Variants in B3GALNT2 observed in about 807,000 individuals in gnomAD.
B3GALNT2 encodes the protein beta-1,3-N-acetylgalactosaminyltransferase 2.
Under a neutral mutation model 61.1 loss-of-function variants are expected in B3GALNT2, and 53 were observed. The ratio of observed to expected loss-of-function variants is 0.87; its 90% CI spans 0.70 to 1.09. The LOEUF is 1.09. Ranked by LOEUF, B3GALNT2 falls within the 50% of genes least tolerant of loss-of-function variation. B3GALNT2 has a pLI of 0.00. For synonymous variants in B3GALNT2, 223 were observed against 237.4 expected, an observed-to-expected ratio of 0.94 and a Z score of 0.56; for missense variants, 544 against 623.0, an observed-to-expected ratio of 0.87 and a Z score of 1.35.
downstream of B3GALNT2, among the ~76,000 whole-genome samples, chr1:235,442,259 C>T (rs1465958021): frequency 6.6e-6 from 1 of 152,168 alleles, no homozygotes; most frequent in Non-Finnish European, 1.5e-5. Context: ...CAACCTCCGC[C>T]TCCCGGGTTC....
At chr1:235,474,058 C>T (rs2102820677) in intron 5 of B3GALNT2, among the ~76,000 whole-genome samples, 1 of 152,272 alleles carries the variant, frequency 6.6e-6, no homozygotes, top group South Asian at 2.1e-4. Flanking sequence ...CTTAAATAAC[C>T]CATCAGCTGT....
intron 4 of B3GALNT2, among the ~76,000 whole-genome samples, chr1:235,482,396 C>A (rs971710918): frequency 6.6e-6 from 1 of 151,810 alleles, no homozygotes. Context: ...GGGGAACCTC[C>A]CAGAAAGGAA....
At chr1:235,492,387 A>G (rs185997078) in intron 2 of B3GALNT2, among the ~76,000 whole-genome samples, 31 of 152,342 alleles carry the variant, frequency 2.0e-4, no homozygotes, top group Admixed American at 7.8e-4. Flanking sequence ...ATCTATTTTT[A>G]TACAGATAGC....
At chr1:235,464,417 CCTT>C (rs1683586542) in intron 7 of B3GALNT2, 1 of 151,760 alleles carries the variant, frequency 6.6e-6, no homozygotes, top group African/African-American at 2.4e-5. Flanking sequence ...TCCTTTCCTC[CCTT>C]CTTCCCTCCA....
At position 235,454,252 on chromosome 1, in the gene B3GALNT2, G is replaced by A. The variant is rs145518904; in HGVS notation, c.1215C>T (p.Pro405=). ...ACCCACATGCAAAGGCAGGGTAAGC[G>A]GGGCTCGGGTACTCCAACTCCTGCC... is the stretch of plus-strand genomic sequence containing the variant. ...GKWQELEYPS[P]AYPAFACGSG... Residue 405 remains proline (P), a synonymous_variant, in exon 10 of 12, where the codon CCC becomes CCT. Coordinates refer to ENST00000366600, the MANE Select transcript of B3GALNT2 (RefSeq NM_152490.5). 151 of 1,613,182 alleles carry A rather than the reference G, an allele frequency of 9.4e-5. 4 individuals carry two copies. In the African/African-American group the frequency reaches 1.1e-3, roughly 12 times the overall value.
chr1:235,500,897 G>A (rs1023898498), intron 1 of B3GALNT2, among the ~76,000 whole-genome samples: 1 of 152,124 alleles, frequency 6.6e-6, no homozygotes, highest in African/African-American at 2.4e-5. Flanking sequence ...GGATAATTTT[G>A]GAAGAACTCA....
chr1:235,485,854 T>C (rs1002002795), intron 3 of B3GALNT2, among the ~76,000 whole-genome samples: 7 of 152,180 alleles, frequency 4.6e-5, no homozygotes, highest in African/African-American at 1.7e-4. Flanking sequence ...TATTCAGTAT[T>C]AATAAAGATT....
In B3GALNT2 at chr1:235,450,084, G is replaced by A; in HGVS notation, c.*122C>T. ...CACCGCATTGGTTCTGGGTGAAAGT[G>A]CCAGTCTGGAACTCTCTTGAAAGAC... On this transcript the variant is annotated 3_prime_UTR_variant, in exon 12 of 12. Transcript: ENST00000366600. 1 of 1,195,028 alleles carries A rather than the reference G, an allele frequency of 8.4e-7. No homozygotes were observed. Among genetic ancestry groups the A allele is most frequent in the Non-Finnish European group, 1.2e-6 (1 of 845,234 alleles). The allele number at this position is 1,195,028 out of a possible 1,614,324, so 74.0% of individuals were successfully genotyped here.
chr1:235,488,044 G>A (rs1684885631), intron 3 of B3GALNT2, among the ~76,000 whole-genome samples: 1 of 152,070 alleles, frequency 6.6e-6, no homozygotes, highest in Admixed American at 6.6e-5. Context: ...AAGTGCTGGA[G>A]CAGCTTTCTT....
rs774822889 is a variant in B3GALNT2, at chr1:235,448,708, G to A, written c.*1498C>T. The A allele has an allele frequency of 3.1e-6, 5 of 1,614,098 alleles. No individual in the cohort carries two copies. In the Admixed American group the frequency reaches 5.0e-5, roughly 16 times the overall value. On this transcript the variant is annotated 3_prime_UTR_variant, in exon 12 of 12. Transcript: ENST00000366600. ...AAATCGAGCTGGAAAATGACCTAAAGTCATTACAGTTTTATTCTGTGGAAA... is the reference window on the plus strand; with the variant it reads ...AAATCGAGCTGGAAAATGACCTAAAATCATTACAGTTTTATTCTGTGGAAA...
rs530941634 is a variant in B3GALNT2 at position 235,488,572 on chromosome 1, C to T, written c.361+596G>A. Among the ~76,000 whole-genome samples the T allele has an allele frequency of 4.6e-5, 7 of 151,694 alleles. No individual in the cohort carries two copies. The South Asian group carries it at 1.5e-3, about 32-fold the overall frequency. On this transcript the variant is annotated intron_variant, in intron 3 of 11. Transcript: ENST00000366600. Reference sequence around the variant, plus strand: ...TGGTGGTAGCCTGTAATCCCATCTACTTAAGAGAGGCTGAGGCAGGAGAAT... The same window carrying T: ...TGGTGGTAGCCTGTAATCCCATCTATTTAAGAGAGGCTGAGGCAGGAGAAT...
intron 3 of B3GALNT2, among the ~76,000 whole-genome samples, chr1:235,486,226 T>A (rs1037379693): frequency 4.6e-5 from 7 of 152,174 alleles, no homozygotes; most frequent in African/African-American, 7.2e-5. Flanking sequence ...CCTACCTAAT[T>A]ATAGACATGA....
intron 1 of B3GALNT2, 29 bp downstream of exon 1, chr1:235,504,112 C>A (rs1248367511): frequency 8.3e-7 from 1 of 1,208,226 alleles, no homozygotes; most frequent in Non-Finnish European, 1.0e-6. Context: ...CCCCGGCGGC[C>A]GCCAACCCGC....
In B3GALNT2 at chr1:235,498,659, G is replaced by A. The variant is rs367862155; in HGVS notation, c.113-3831C>T. On this transcript the variant is annotated intron_variant, in intron 1 of 11. Transcript: ENST00000366600. ...AGTTCGAGACCAGCCTGGCCAATATGGTGAAACCTCATCTCTATTAAAAAT... is the reference window on the plus strand; with the variant it reads ...AGTTCGAGACCAGCCTGGCCAATATAGTGAAACCTCATCTCTATTAAAAAT... Among the ~76,000 whole-genome samples, 57 of 152,024 alleles carry A rather than the reference G, an allele frequency of 3.7e-4. 1 individual carries two copies. The highest frequency in any genetic ancestry group is 2.7e-3 in the East Asian group (14 of 5,164).
At chr1:235,482,940 G>A (rs145109712) in intron 4 of B3GALNT2, among the ~76,000 whole-genome samples, 2 of 152,210 alleles carry the variant, frequency 1.3e-5, no homozygotes, top group African/African-American at 2.4e-5. Flanking sequence ...AAAGACAGAC[G>A]CTGAGATGAC....
At chr1:235,454,039 A>G (rs1268828875) in intron 10 of B3GALNT2, 117 bp downstream of exon 10, 8 of 938,412 alleles carry the variant, frequency 8.5e-6, no homozygotes, top group African/African-American at 1.7e-5. Flanking sequence ...GGGTCTTGCT[A>G]TGTTACCCAG....
chr1:235,477,293 C>T (rs1360386279), intron 5 of B3GALNT2, among the ~76,000 whole-genome samples: 1 of 152,180 alleles, frequency 6.6e-6, no homozygotes, highest in Non-Finnish European at 1.5e-5. Context: ...CCTTTTTGCT[C>T]TCTCTCCACA....
chr1:235,475,442 A>G (rs6429110), intron 5 of B3GALNT2, among the ~76,000 whole-genome samples: 48 of 152,258 alleles, frequency 3.2e-4, no homozygotes, highest in Middle Eastern at 6.8e-3. Flanking sequence ...TACTGGGGAC[A>G]TGTGACTCCA....
intron 3 of B3GALNT2, 44 bp from the exon 4 acceptor site, chr1:235,484,559 C>A (rs1481773900): frequency 1.9e-6 from 3 of 1,549,268 alleles, no homozygotes; most frequent in Non-Finnish European, 2.6e-6. Context: ...AAATGTAATC[C>A]TTTGTTTTAC....
Sources: allele counts gnomAD v4.1 joint callset (sites outside exome capture counted in the v4.1 genomes callset), GRCh38; gene constraint gnomAD v4.1.1; transcripts MANE v1.5; gene names NCBI Gene and HGNC (gene_info 2026-07-23, HGNC 2026-07-21).